ALCAM: variants seen among roughly 807,000 people sequenced by gnomAD.
ALCAM encodes activated leukocyte cell adhesion molecule.
In ALCAM, 30 loss-of-function variants were observed where a neutral mutation model predicts 70.9. That is an observed-to-expected ratio of 0.42 (90% CI 0.32 to 0.57). The LOEUF (loss-of-function observed/expected upper bound fraction) is 0.57, where lower values mean the gene tolerates loss of function less well. Among genes scored for constraint, ALCAM ranks in the 20% least tolerant of loss-of-function variants. The probability of loss-of-function intolerance (pLI) is 0.11; values close to 1 mark genes in which losing one functional copy is unlikely to be tolerated. For synonymous variants in ALCAM, 249 were observed against 242.5 expected (o/e 1.03, Z -0.25); for missense variants, 591 against 695.1 (o/e 0.85, Z 1.68).
At chr3:105,530,058 T>A (rs1201175427) in intron 3 of ALCAM, among the ~76,000 whole-genome samples, 1 of 152,088 alleles carries the variant, frequency 6.6e-6, no homozygotes, top group Non-Finnish European at 1.5e-5. Flanking sequence ...GACCTTTTTT[T>A]TCTGTTCATT....
chr3:105,513,055 G>A (rs569114292), intron 1 of ALCAM, among the ~76,000 whole-genome samples: 2 of 151,412 alleles, frequency 1.3e-5, no homozygotes, highest in African/African-American at 4.9e-5. Flanking sequence ...GATTTTTTTG[G>A]TTCATTGTAT....
At chr3:105,465,795 C>T (rs1937701495) in intron 1 of ALCAM, among the ~76,000 whole-genome samples, 1 of 151,244 alleles carries the variant, frequency 6.6e-6, no homozygotes, top group South Asian at 2.1e-4. Flanking sequence ...GAAATTTTTA[C>T]AGTTTTTCAT....
intron 8 of ALCAM, among the ~76,000 whole-genome samples, chr3:105,542,761 GA>G (rs1055710981): frequency 1.3e-4 from 20 of 151,598 alleles, no homozygotes; most frequent in African/African-American, 4.8e-4. Flanking sequence ...GTACATTGGG[GA>G]ATAAAGCAAC....
intron 1 of ALCAM, among the ~76,000 whole-genome samples, chr3:105,445,606 C>T (rs898738568): frequency 1.3e-5 from 2 of 152,128 alleles, no homozygotes; most frequent in African/African-American, 2.4e-5. Context: ...GTAACTAAAA[C>T]AGCATGGTAC....
At chr3:105,432,472 T>G (rs1298134200) in intron 1 of ALCAM, among the ~76,000 whole-genome samples, 1 of 152,066 alleles carries the variant, frequency 6.6e-6, no homozygotes, top group Non-Finnish European at 1.5e-5. Context: ...GAAAAAGATG[T>G]GAGCTTCAGA....
chr3:105,546,354 C>T (rs1409731431), intron 9 of ALCAM, among the ~76,000 whole-genome samples: 1 of 151,360 alleles, frequency 6.6e-6, no homozygotes, highest in African/African-American at 2.4e-5. Flanking sequence ...TACTGCCTGC[C>T]TTTTGATCCT....
At chr3:105,439,537 A>G (rs1451695463) in intron 1 of ALCAM, 1 of 152,186 alleles carries the variant, frequency 6.6e-6, no homozygotes, top group Admixed American at 6.5e-5. Flanking sequence ...GAAATGGTCT[A>G]ATTTTGAAAT....
intron 14 of ALCAM, among the ~76,000 whole-genome samples, chr3:105,571,177 G>A (rs1369737906): frequency 2.0e-5 from 3 of 152,174 alleles, no homozygotes; most frequent in African/African-American, 4.8e-5. Context: ...GAGATCGCAG[G>A]TCCCATCCCC....
In ALCAM at chr3:105,540,106, A is replaced by C. The variant is rs750919004; in HGVS notation, c.858+4A>C. The C allele has an allele frequency of 4.0e-5, 64 of 1,610,228 alleles. No individual in the cohort carries two copies. The highest frequency in any genetic ancestry group is 5.4e-5 in the Non-Finnish European group (63 of 1,177,316). On this transcript the variant is annotated splice_donor_region_variant and intron_variant, in intron 7 of 15. Transcript: ENST00000306107. The stretch of plus-strand genomic sequence containing the variant: ...GGAATTTTTGTTTTACTTACCAGTA[A>C]GTGCTTAAGTATTACTTCAGTTGGA...
chr3:105,566,636 AAT>A (rs1473599572), intron 14 of ALCAM, among the ~76,000 whole-genome samples: 5 of 152,148 alleles, frequency 3.3e-5, no homozygotes, highest in African/African-American at 1.2e-4. Context: ...TAAGGATTAC[AAT>A]AAGAACTCAA....
At chr3:105,533,207 C>T (rs1035480820) in intron 4 of ALCAM, among the ~76,000 whole-genome samples, 4 of 151,988 alleles carry the variant, frequency 2.6e-5, no homozygotes, top group Non-Finnish European at 5.9e-5. Flanking sequence ...GAGACACAGC[C>T]CCATTTTAAC....
intron 2 of ALCAM, among the ~76,000 whole-genome samples, chr3:105,523,177 A>G (rs1939598648): frequency 6.6e-6 from 1 of 151,274 alleles, no homozygotes; most frequent in African/African-American, 2.4e-5. Context: ...GAAAGCCCAA[A>G]GAAAACACCT....
intron 1 of ALCAM, among the ~76,000 whole-genome samples, chr3:105,426,961 T>C (rs1459836360): frequency 6.6e-6 from 1 of 151,922 alleles, no homozygotes; most frequent in Non-Finnish European, 1.5e-5. Flanking sequence ...ACAATGATCC[T>C]TCTGGGGAGA....
At chr3:105,489,722 C>T (rs1938530862) in intron 1 of ALCAM, among the ~76,000 whole-genome samples, 2 of 152,232 alleles carry the variant, frequency 1.3e-5, no homozygotes, top group South Asian at 4.1e-4. Flanking sequence ...AAATACATAG[C>T]AGAGGTACCA....
intron 1 of ALCAM, among the ~76,000 whole-genome samples, chr3:105,428,661 C>G (rs1044997364): frequency 6.6e-6 from 1 of 151,880 alleles, no homozygotes; most frequent in African/African-American, 2.4e-5. Context: ...ATTTATGTAT[C>G]TCTCAATAAG....
At chr3:105,432,893 A>G (rs138014568) in intron 1 of ALCAM, among the ~76,000 whole-genome samples, 2 of 152,272 alleles carry the variant, frequency 1.3e-5, no homozygotes, top group Non-Finnish European at 2.9e-5. Flanking sequence ...TTCTAATCAT[A>G]TTCTGTGAAA....
intron 1 of ALCAM, among the ~76,000 whole-genome samples, chr3:105,518,087 G>A (rs182736319): frequency 1.3e-5 from 2 of 151,886 alleles, no homozygotes; most frequent in Admixed American, 6.6e-5. Flanking sequence ...GTGAGAAAGG[G>A]CAAAGCATTA....
chr3:105,395,449 T>C (rs976519096), intron 1 of ALCAM, among the ~76,000 whole-genome samples: 2 of 152,032 alleles, frequency 1.3e-5, no homozygotes, highest in African/African-American at 4.8e-5. Context: ...TACTAAATTG[T>C]TATGTATGTA....
Position 105,517,691 on chromosome 3 carries a change from C to A in ALCAM, c.74-2376C>A, listed in dbSNP as rs138068874. The stretch of plus-strand genomic sequence containing the variant: ...AATGTGTTTGCTGTTTGTTTCTCCT[C>A]AAGACAGAGCTTGCCACCCAAAATC... On this transcript the variant is annotated intron_variant, in intron 1 of 15. Transcript: ENST00000306107. 4.5e-3 allele frequency among the ~76,000 whole-genome samples: 685 copies of A among 152,212 alleles called. 17 individuals are homozygous for A. The highest frequency in any genetic ancestry group is 9.2e-3 in the Admixed American group (141 of 15,282).
Sources: gnomAD v4.1 joint callset for allele counts (sites outside exome capture counted in the v4.1 genomes callset) on GRCh38, gnomAD v4.1.1 for gene constraint, MANE v1.5 for transcripts, NCBI Gene and HGNC (gene_info 2026-07-23, HGNC 2026-07-21) for gene names.